Variants in TPRA1 observed in about 807,000 individuals in gnomAD.
TPRA1 encodes transmembrane protein adipocyte associated 1.
TPRA1 carries 28 observed loss-of-function variants against 40.1 expected under a neutral mutation model. The ratio of observed to expected loss-of-function variants is 0.70; its 90% CI spans 0.52 to 0.96. The LOEUF is 0.96. TPRA1 is among the 40% of genes least tolerant of loss of function. The pLI, the probability that TPRA1 is intolerant of heterozygous loss-of-function variation, is 0.00. For synonymous variants in TPRA1, 219 were observed against 209.7 expected, an observed-to-expected ratio of 1.04 and a Z score of -0.38; for missense variants, 441 against 482.6, an observed-to-expected ratio of 0.91 and a Z score of 0.81.
chr3:127,580,155 CA>C lies in TPRA1; in HGVS notation c.-10del, dbSNP rs1472834140. ...TCCTCCAGGGTGTCCATCCCGCCAG[CA>C]GCCAGCCCTGGGGGAGTGAGAGCCG... On this transcript the variant is annotated 5_prime_UTR_variant, in exon 2 of 11. Coordinates refer to ENST00000355552, the MANE Select transcript of TPRA1 (RefSeq NM_001136053.4). 1.2e-6 allele frequency: 2 copies of C among 1,611,106 alleles called. No individual in the cohort carries two copies. The highest frequency in any genetic ancestry group is 1.7e-6 in the Non-Finnish European group (2 of 1,179,710).
chr3:127,588,232 T>C (rs980996365), intron 1 of TPRA1: 2 of 152,292 alleles, frequency 1.3e-5, no homozygotes, highest in Non-Finnish European at 2.9e-5. Flanking sequence ...ACCCTGGTGT[T>C]GTTAACATGC....
At chr3:127,591,310 T>A (rs139160123), upstream of TPRA1, among the ~76,000 whole-genome samples, 138 of 152,328 alleles carry the variant, frequency 9.1e-4, 1 homozygote, top group Middle Eastern at 6.8e-3. Context: ...TTAGCAACCC[T>A]GCTAGGCAGT....
rs2073559629 is a variant in TPRA1 at position 127,575,259 on chromosome 3, T to C, written c.780A>G (p.Val260=). ...TGAAGTACAGGAAGGTTGTGGCATC[T>C]ACACAGCTGCGGAGAAGGCGGGTCA... ...CFDIIEGLCC[V]DATTFLYFSF... is the part of the protein sequence containing the mutation. The change falls in exon 10 of 11, where the codon GTA becomes GTG. Residue 260 remains valine (V), a synonymous_variant. Coordinates refer to ENST00000355552, the MANE Select transcript of TPRA1 (RefSeq NM_001136053.4). The C allele has an allele frequency of 6.2e-7, 1 of 1,613,858 alleles. No individual in the cohort carries two copies. The highest frequency in any genetic ancestry group is 1.1e-5 in the South Asian group (1 of 91,066).
chr3:127,594,633 A>T (rs2074224119), upstream of TPRA1, among the ~76,000 whole-genome samples: 1 of 152,194 alleles, frequency 6.6e-6, no homozygotes, highest in African/African-American at 2.4e-5. Context: ...CCTAGCAGCA[A>T]TCCACTGAGA....
At chr3:127,594,241 G>C (rs542641914), upstream of TPRA1, among the ~76,000 whole-genome samples, 70 of 152,326 alleles carry the variant, frequency 4.6e-4, no homozygotes, top group Non-Finnish European at 8.8e-4. Flanking sequence ...GGCCTCTTTG[G>C]GTTCTGGAGG....
At chr3:127,585,040 T>C (rs2073958888) in intron 1 of TPRA1, among the ~76,000 whole-genome samples, 1 of 152,180 alleles carries the variant, frequency 6.6e-6, no homozygotes, top group East Asian at 1.9e-4. Context: ...CCTCCGTGCA[T>C]GTACTGGACA....
chr3:127,596,546 C>T (rs1338742115), intron 1 of TPRA1, among the ~76,000 whole-genome samples: 2 of 152,202 alleles, frequency 1.3e-5, no homozygotes, highest in African/African-American at 4.8e-5. Flanking sequence ...CTTCTCATCT[C>T]CCTGCACTCA....
chr3:127,574,919 T>G, intron 10 of TPRA1: 1 of 520,946 alleles, frequency 1.9e-6, no homozygotes, highest in Non-Finnish European at 3.5e-6. Context: ...CGTATGTGCG[T>G]GTTTGTGTGT....
intron 1 of TPRA1, chr3:127,580,436 G>T: frequency 2.6e-6 from 1 of 386,826 alleles, no homozygotes; most frequent in Non-Finnish European, 4.8e-6. Flanking sequence ...CATGTGCAAG[G>T]CACAGCCACT....
rs1370733047 is a variant in TPRA1 at position 127,590,499 on chromosome 3, G to A, written c.-107C>T. 2.0e-5 allele frequency: 3 copies of A among 152,268 alleles called. No individual in the cohort carries two copies. Among genetic ancestry groups the A allele is most frequent in the African/African-American group, 2.4e-5 (1 of 41,466 alleles). 9.4% of individuals were successfully genotyped at this position (152,268 alleles called of 1,614,324 possible). A position where few individuals can be genotyped will look rare whatever the true frequency, so the allele number is the denominator to read the frequency against. ...CTGGGTGTGCGCGGATCCAGCACAG[G>A]CCGCGGGACTCCGGCCTCCAGCGCC... On this transcript the variant is annotated 5_prime_UTR_variant, in exon 1 of 11. Coordinates refer to ENST00000355552, the MANE Select transcript of TPRA1 (RefSeq NM_001136053.4).
upstream of TPRA1, among the ~76,000 whole-genome samples, chr3:127,592,367 GTTTT>G (rs746017013): frequency 2.7e-4 from 24 of 88,524 alleles, no homozygotes; most frequent in African/African-American, 7.8e-4. Context: ...GCAACATGCT[GTTTT>G]TTTTTTTTTT....
At chr3:127,578,988 G>C (rs144819729) in intron 3 of TPRA1, among the ~76,000 whole-genome samples, 4 of 151,594 alleles carry the variant, frequency 2.6e-5, no homozygotes, top group African/African-American at 9.7e-5. Context: ...TACACCTGGA[G>C]AGCCCACACC....
intron 1 of TPRA1, among the ~76,000 whole-genome samples, chr3:127,584,504 G>A (rs2107653016): frequency 8.3e-6 from 1 of 120,270 alleles, no homozygotes; most frequent in African/African-American, 3.2e-5. Context: ...AGAGATAAAT[G>A]CTAAGTGAAG....
chr3:127,592,779 C>T (rs974721191), upstream of TPRA1, among the ~76,000 whole-genome samples: 1 of 152,246 alleles, frequency 6.6e-6, no homozygotes, highest in East Asian at 1.9e-4. Flanking sequence ...GTTTTATAGT[C>T]TCCTGTAAAC....
At position 127,579,774 on chromosome 3, in the gene TPRA1, G is replaced by A; in HGVS notation, c.224C>T (p.Thr75Ile). Reference sequence around the variant, plus strand: ...GAAGGTGATAAAAATGGGGCTGGAGGTGATGCGGATCTTCGCCCGAGCAGA... The same window carrying A: ...GAAGGTGATAAAAATGGGGCTGGAGATGATGCGGATCTTCGCCCGAGCAGA... ...LPSARAKIRI[T>I]SSPIFITFYI... Residue 75 changes from threonine (T) to isoleucine (I), a missense_variant, in exon 3 of 11, where the codon ACC (threonine) becomes ATC (isoleucine). Coordinates refer to ENST00000355552, the MANE Select transcript of TPRA1 (RefSeq NM_001136053.4). 1 of 1,614,200 alleles carries A rather than the reference G, an allele frequency of 6.2e-7. No individual in the cohort carries two copies. The highest frequency in any genetic ancestry group is 2.2e-5 in the East Asian group (1 of 44,888).
Position 127,576,874 on chromosome 3 carries a change from C to T in TPRA1, c.365G>A (p.Arg122His), listed in dbSNP as rs1192330541. Residue 122 changes from arginine to histidine, a missense_variant, in exon 5 of 11, where the codon CGC (arginine) becomes CAC (histidine). Physicochemically the swap from Arg to His is conservative, Grantham distance 29 (BLOSUM62 0). Coordinates refer to ENST00000355552, the MANE Select transcript of TPRA1 (RefSeq NM_001136053.4). This position sits in a 1 kb window ranked among gnomAD's most constrained non-coding sequence, Gnocchi z 4.6. ...CAGCTCGATGGCCAGCAGGAAGAAG[C>T]GGGTGATCTCCCACAGGATCTGCAC... ...VADKILWEIT[R>H]FFLLAIELSV... 8 of 1,613,706 alleles carry T rather than the reference C, an allele frequency of 5.0e-6. No individual in the cohort carries two copies. The highest frequency in any genetic ancestry group is 3.3e-5 in the South Asian group (3 of 91,094).
At position 127,572,286 on chromosome 3, in the gene TPRA1, C is replaced by G. The variant is rs149547912; in HGVS notation, c.*1235G>C. Among the ~76,000 whole-genome samples the G allele has an allele frequency of 1.8e-3, 273 of 152,370 alleles. 1 individual carries two copies. Among genetic ancestry groups the G allele is most frequent in the African/African-American group, 6.3e-3 (262 of 41,584 alleles). On this transcript the variant is annotated 3_prime_UTR_variant, in exon 11 of 11. Transcript: ENST00000355552. ...AACAGCCTGATCCTCAGGGTCCCCA[C>G]AGCCAGGGCTGAGACCTCCCCAGGC...
At chr3:127,573,886 G>T in intron 10 of TPRA1, 98 bp from the exon 11 acceptor site, 2 of 1,432,066 alleles carry the variant, frequency 1.4e-6, no homozygotes, top group South Asian at 1.5e-5. Flanking sequence ...GGAAGGAATT[G>T]ACCAACAGTC....
At chr3:127,586,989 C>T (rs1375859720) in intron 1 of TPRA1, 1 of 152,226 alleles carries the variant, frequency 6.6e-6, no homozygotes, top group Non-Finnish European at 1.5e-5. Context: ...GGAAACTCAG[C>T]TCCCAGACTC....
Sources: allele counts gnomAD v4.1 joint callset (sites outside exome capture counted in the v4.1 genomes callset), GRCh38; gene constraint gnomAD v4.1.1; non-coding constraint Gnocchi (gnomAD v3.1); transcripts MANE v1.5; gene names NCBI Gene and HGNC (gene_info 2026-07-23, HGNC 2026-07-21).